The following WDFY1 variants were observed in gnomAD, a reference collection of about 807,000 sequenced individuals.
WDFY1 encodes the protein WD repeat and FYVE domain-containing protein 1.
WDFY1 carries 32 observed loss-of-function variants against 56.4 expected under a neutral mutation model. The observed-to-expected ratio is 0.57, with a 90% CI of 0.43 to 0.76. WDFY1 has a LOEUF of 0.76. Among genes scored for constraint, WDFY1 ranks in the 30% least tolerant of loss-of-function variants. The probability of loss-of-function intolerance (pLI) is 0.00; values close to 1 mark genes in which losing one functional copy is unlikely to be tolerated. For missense variants in WDFY1, 480 were observed against 545.7 expected (o/e 0.88, Z 1.20); for synonymous variants, 192 against 197.3 (o/e 0.97, Z 0.23).
At chr2:223,893,956 G>A (rs1693319508) in intron 8 of WDFY1, among the ~76,000 whole-genome samples, 1 of 152,214 alleles carries the variant, frequency 6.6e-6, no homozygotes, top group Non-Finnish European at 1.5e-5. Flanking sequence ...CCAGAAATCT[G>A]TCTCAAAGTG....
chr2:223,894,199 C>T, intron 8 of WDFY1, 35 bp downstream of exon 8: 1 of 1,609,344 alleles, frequency 6.2e-7, no homozygotes, highest in Non-Finnish European at 8.5e-7. Flanking sequence ...CTGGGGGTCT[C>T]CCCCGATCAG....
intron 4 of WDFY1, among the ~76,000 whole-genome samples, chr2:223,903,795 A>G (rs680441): frequency 0.93 from 141,464 of 151,988 alleles, 65,907 homozygotes; most frequent in South Asian, 0.96. Context: ...GGACTACAGC[A>G]TGTGCCACCA....
intron 3 of WDFY1, among the ~76,000 whole-genome samples, chr2:223,907,115 A>T (rs1693609947): frequency 6.6e-6 from 1 of 151,794 alleles, no homozygotes; most frequent in Non-Finnish European, 1.5e-5. Context: ...ACTGGGACTA[A>T]AGGTGCATGC....
At chr2:223,913,344 G>A (rs926436597) in intron 2 of WDFY1, among the ~76,000 whole-genome samples, 2 of 151,902 alleles carry the variant, frequency 1.3e-5, no homozygotes, top group African/African-American at 2.4e-5. Context: ...ATACTGGATC[G>A]TACCCCAAAG....
chr2:223,901,095 A>T, intron 5 of WDFY1, 88 bp downstream of exon 5: 1 of 1,450,790 alleles, frequency 6.9e-7, no homozygotes, highest in South Asian at 1.4e-5. Context: ...TTCAGTCTTT[A>T]GATCTCAGCC....
chr2:223,887,158 A>G (rs1693186373), intron 8 of WDFY1, among the ~76,000 whole-genome samples: 2 of 152,228 alleles, frequency 1.3e-5, no homozygotes, highest in South Asian at 2.1e-4. Context: ...TCTGTGATCA[A>G]TGCAAGGCAG....
chr2:223,920,968 C>T (rs1693876251), intron 1 of WDFY1, among the ~76,000 whole-genome samples: 1 of 152,118 alleles, frequency 6.6e-6, no homozygotes, highest in Non-Finnish European at 1.5e-5. Context: ...ATTAAAATCA[C>T]TGATGTAAAA....
At chr2:223,909,006 C>T (rs1693646105) in intron 3 of WDFY1, among the ~76,000 whole-genome samples, 1 of 152,200 alleles carries the variant, frequency 6.6e-6, no homozygotes, top group African/African-American at 2.4e-5. Context: ...TCCTAACTGG[C>T]ACCTGCACTT....
chr2:223,937,022 C>T (rs565253284), intron 1 of WDFY1, among the ~76,000 whole-genome samples: 3 of 152,278 alleles, frequency 2.0e-5, no homozygotes, highest in East Asian at 3.9e-4. Flanking sequence ...CACAGCCATG[C>T]GTATGACTAT....
At chr2:223,943,183 TTA>T (rs1491159074) in intron 1 of WDFY1, among the ~76,000 whole-genome samples, 2 of 39,880 alleles carry the variant, frequency 5.0e-5, no homozygotes, top group African/African-American at 8.5e-5. Flanking sequence ...AGCCTCCATC[TTA>T]AAAAAAAAAA....
rs556584549 is a variant in WDFY1 at position 223,877,012 on chromosome 2, A to G, written c.*1659T>C. ...AGAGTCTAGAAAGTTTTTAAAAGAAATCTCTTTAGGTGATGTAACACGAAA... is the reference window on the plus strand; with the variant it reads ...AGAGTCTAGAAAGTTTTTAAAAGAAGTCTCTTTAGGTGATGTAACACGAAA... On this transcript the variant is annotated 3_prime_UTR_variant, in exon 12 of 12. Coordinates refer to ENST00000233055, the MANE Select transcript of WDFY1 (RefSeq NM_020830.5). 4 of 152,326 alleles carry G rather than the reference A, an allele frequency of 2.6e-5. No individual in the cohort carries two copies. In the South Asian group the frequency reaches 8.3e-4, roughly 32 times the overall value. The allele number at this position is 152,326 out of a possible 1,614,324, so 9.4% of individuals were successfully genotyped here. A position where few individuals can be genotyped will look rare whatever the true frequency, so the allele number is the denominator to read the frequency against.
chr2:223,897,351 CATATATATATATATATAT>C lies in WDFY1; in HGVS notation c.598+1589_598+1606del, dbSNP rs1194128689. ...AGACATGTGTCCCCTCTAAATTTCG[CATATATATATATATATAT>C]ATATATATATATATATATATATTTT... is the stretch of plus-strand genomic sequence containing the variant. On this transcript the variant is annotated intron_variant, in intron 6 of 11. Transcript: ENST00000233055. 5.1e-3 allele frequency among the ~76,000 whole-genome samples: 274 copies of C among 53,674 alleles called. 7 individuals are homozygous for C. The highest frequency in any genetic ancestry group is 7.3e-3 in the Admixed American group (27 of 3,690). 35.2% of individuals were successfully genotyped at this position (53,674 alleles called of 152,430 possible). A position where few individuals can be genotyped will look rare whatever the true frequency, so the allele number is the denominator to read the frequency against.
chr2:223,931,535 CTT>C (rs1268905385), intron 1 of WDFY1, among the ~76,000 whole-genome samples: 2 of 152,136 alleles, frequency 1.3e-5, no homozygotes, highest in African/African-American at 4.8e-5. Context: ...TTAAAATACA[CTT>C]AAGGGAATCA....
At chr2:223,903,548 A>C (rs1213358854) in intron 4 of WDFY1, among the ~76,000 whole-genome samples, 1 of 150,972 alleles carries the variant, frequency 6.6e-6, no homozygotes, top group Non-Finnish European at 1.5e-5. Context: ...ACAAAAAAAA[A>C]CCTTTGACAA....
chr2:223,929,910 A>G lies in WDFY1; in HGVS notation c.138-11900T>C, dbSNP rs117717592. Among the ~76,000 whole-genome samples, 54 of 152,386 alleles carry G rather than the reference A, an allele frequency of 3.5e-4. 3 individuals are homozygous for G. The East Asian group carries it at 0.01, about 29-fold the overall frequency. On this transcript the variant is annotated intron_variant, in intron 1 of 11. Transcript: ENST00000233055. The stretch of plus-strand genomic sequence containing the variant: ...AACATTATCAAAGTAAACAATTCAA[A>G]GCAAAGCAGCCTTATGTGGTAAGTA...
chr2:223,926,744 T>C (rs1239235606), intron 1 of WDFY1, among the ~76,000 whole-genome samples: 2 of 152,106 alleles, frequency 1.3e-5, no homozygotes, highest in Admixed American at 6.5e-5. Flanking sequence ...CTCAGCTCAC[T>C]GAAACCTCTG....
rs1175912497 is a variant in WDFY1 at position 223,894,289 on chromosome 2, G to A, written c.776C>T (p.Ser259Phe). The A allele has an allele frequency of 1.9e-6, 3 of 1,614,192 alleles. No individual in the cohort carries two copies. The highest frequency in any genetic ancestry group is 2.5e-6 in the Non-Finnish European group (3 of 1,180,018). Residue 259 changes from serine to phenylalanine, a missense_variant, in exon 8 of 12, where the codon TCC (serine) becomes TTC (phenylalanine). Ser to Phe is a radical substitution (Grantham distance 155). Coordinates refer to ENST00000233055, the MANE Select transcript of WDFY1 (RefSeq NM_020830.5). ...TGCAATTCCGCCGTCCGAGGAACAG[G>A]AGACGAGCTGCCTGGTGAGCTGAAG... ...CYLQLTRQLV[S>F]CSSDGGIAVW...
intron 8 of WDFY1, among the ~76,000 whole-genome samples, chr2:223,885,762 A>G (rs1222057346): frequency 3.3e-5 from 5 of 152,184 alleles, no homozygotes; most frequent in African/African-American, 9.7e-5. Flanking sequence ...ACAAAACCCC[A>G]TCACCTAGTT....
rs544476202 is a variant in WDFY1, at chr2:223,912,333, GA to G, written c.206-8del. The G allele has an allele frequency of 3.1e-3, 4,899 of 1,595,580 alleles. 7 individuals are homozygous for G. The highest frequency in any genetic ancestry group is 3.9e-3 in the Non-Finnish European group (4,609 of 1,175,182). ...GCCATAGCAGAGCAAGGAGCTGCCA[GA>G]AAGACAAAGACCACATTACCAGCAA... On this transcript the variant is annotated splice_polypyrimidine_tract_variant and splice_region_variant and intron_variant, in intron 2 of 11. Coordinates refer to ENST00000233055, the MANE Select transcript of WDFY1 (RefSeq NM_020830.5).
Sources: allele counts gnomAD v4.1 joint callset (sites outside exome capture counted in the v4.1 genomes callset), GRCh38; gene constraint gnomAD v4.1.1; transcripts MANE v1.5; gene names NCBI Gene and HGNC (gene_info 2026-07-23, HGNC 2026-07-21).